PIK3C2G: variants seen among roughly 807,000 people sequenced by gnomAD.
PIK3C2G encodes the protein phosphatidylinositol-4-phosphate 3-kinase catalytic subunit type 2 gamma.
PIK3C2G carries 168 observed loss-of-function variants against 181.1 expected under a neutral mutation model. That is an observed-to-expected ratio of 0.93 (90% CI 0.82 to 1.05). PIK3C2G has a LOEUF of 1.05. Ranked by LOEUF, PIK3C2G falls within the 50% of genes least tolerant of loss-of-function variation. PIK3C2G has a pLI of 0.00. For synonymous variants in PIK3C2G, 573 were observed against 592.2 expected (o/e 0.97, Z 0.47); for missense variants, 1,869 against 1,732.8 (o/e 1.08, Z -1.40).
At chr12:18,421,251 G>T (rs897554074) in intron 17 of PIK3C2G, among the ~76,000 whole-genome samples, 21 of 151,738 alleles carry the variant, frequency 1.4e-4, no homozygotes, top group Non-Finnish European at 2.8e-4. Flanking sequence ...TTTTAAAAAT[G>T]ATTTCATTTA....
chr12:18,431,663 CAT>C (rs1382408039), intron 18 of PIK3C2G, among the ~76,000 whole-genome samples: 1 of 152,172 alleles, frequency 6.6e-6, no homozygotes, highest in African/African-American at 2.4e-5. Flanking sequence ...ATACAGCACA[CAT>C]GATACAGAAT....
At chr12:18,597,490 A>G (rs1302584358) in intron 30 of PIK3C2G, among the ~76,000 whole-genome samples, 2 of 152,144 alleles carry the variant, frequency 1.3e-5, no homozygotes, top group Middle Eastern at 3.2e-3. Flanking sequence ...TATATTAATA[A>G]GTATAAATGG....
the PIK3C2G span, among the ~76,000 whole-genome samples, chr12:18,661,269 G>A: frequency 2.0e-5 from 3 of 152,040 alleles, no homozygotes; most frequent in African/African-American, 7.2e-5. Context: ...CAAGTGTGAT[G>A]AGATACAAGA....
chr12:18,301,171 C>T (rs1950159445), intron 5 of PIK3C2G, among the ~76,000 whole-genome samples: 1 of 152,100 alleles, frequency 6.6e-6, no homozygotes, highest in African/African-American at 2.4e-5. Flanking sequence ...AGTTTGGCTA[C>T]AATGTGCAAT....
intron 22 of PIK3C2G, among the ~76,000 whole-genome samples, chr12:18,501,347 T>G (rs922828858): frequency 6.6e-6 from 1 of 152,012 alleles, no homozygotes; most frequent in African/African-American, 2.4e-5. Flanking sequence ...TGCTAAACAT[T>G]AATAAAACCA....
chr12:18,532,062 T>C (rs962644372), intron 24 of PIK3C2G, among the ~76,000 whole-genome samples: 1 of 152,302 alleles, frequency 6.6e-6, no homozygotes, highest in East Asian at 1.9e-4. Flanking sequence ...TTATTTTTTA[T>C]CTAGCCATTT....
At chr12:18,421,466 A>AT (rs1184355002) in intron 17 of PIK3C2G, among the ~76,000 whole-genome samples, 3 of 152,082 alleles carry the variant, frequency 2.0e-5, no homozygotes, top group Non-Finnish European at 4.4e-5. Context: ...TAATAGCCAA[A>AT]TTTTGCCACC....
intron 7 of PIK3C2G, among the ~76,000 whole-genome samples, chr12:18,322,060 A>G (rs1465170652): frequency 6.6e-6 from 1 of 152,196 alleles, no homozygotes; most frequent in Non-Finnish European, 1.5e-5. Flanking sequence ...ACAAACCTGC[A>G]CATCCTGCAC....
intron 29 of PIK3C2G, among the ~76,000 whole-genome samples, chr12:18,575,015 C>T (rs757664363): frequency 3.9e-5 from 6 of 152,146 alleles, no homozygotes; most frequent in African/African-American, 7.2e-5. Context: ...TGGCTTATTG[C>T]TGTGCCTCCT....
intron 18 of PIK3C2G, among the ~76,000 whole-genome samples, chr12:18,455,576 G>T (rs1423700140): frequency 6.6e-6 from 1 of 152,036 alleles, no homozygotes; most frequent in Non-Finnish European, 1.5e-5. Context: ...ATAAATGATA[G>T]GAATTTATTC....
intron 21 of PIK3C2G, among the ~76,000 whole-genome samples, chr12:18,496,451 G>A (rs1941020995): frequency 6.6e-6 from 1 of 152,124 alleles, no homozygotes; most frequent in South Asian, 2.1e-4. Flanking sequence ...TTGAATGTGA[G>A]GAAAGTTTTA....
chr12:18,586,338 A>C (rs1199942872), intron 29 of PIK3C2G, among the ~76,000 whole-genome samples: 1 of 151,964 alleles, frequency 6.6e-6, no homozygotes, highest in African/African-American at 2.4e-5. Context: ...TAGACTAACA[A>C]AGAAGAAAAG....
chr12:18,276,781 A>G (rs973786994), intron 1 of PIK3C2G, among the ~76,000 whole-genome samples: 1 of 152,196 alleles, frequency 6.6e-6, no homozygotes, highest in Admixed American at 6.5e-5. Context: ...AAAAACAGCT[A>G]CTGAATAAAC....
At chr12:18,598,017 G>T (rs1947474747) in intron 30 of PIK3C2G, among the ~76,000 whole-genome samples, 1 of 152,020 alleles carries the variant, frequency 6.6e-6, no homozygotes, top group Non-Finnish European at 1.5e-5. Flanking sequence ...ACAAATGGAA[G>T]AATATTCCAT....
At chr12:18,297,979 A>G (rs1950013415) in intron 5 of PIK3C2G, among the ~76,000 whole-genome samples, 1 of 152,010 alleles carries the variant, frequency 6.6e-6, no homozygotes, top group South Asian at 2.1e-4. Flanking sequence ...TAGTATTTCA[A>G]TAAACATGGA....
intron 31 of PIK3C2G, among the ~76,000 whole-genome samples, chr12:18,616,506 T>C (rs1479889453): frequency 6.6e-6 from 1 of 152,104 alleles, no homozygotes; most frequent in African/African-American, 2.4e-5. Context: ...TTAACATCCG[T>C]CTCACTTAAA....
chr12:18,699,764 A>G, the PIK3C2G span: 2 of 1,593,090 alleles, frequency 1.3e-6, no homozygotes, highest in Non-Finnish European at 1.7e-6. Context: ...TCATTTAAAC[A>G]TTTCATCTAT....
rs563671146 is a variant in PIK3C2G at position 18,289,520 on chromosome 12, A to G, written c.762-1335A>G. Among the ~76,000 whole-genome samples, 3 of 152,356 alleles carry G rather than the reference A, an allele frequency of 2.0e-5. No homozygotes were observed. In the South Asian group the frequency reaches 6.2e-4, roughly 32 times the overall value. On this transcript the variant is annotated intron_variant, in intron 3 of 32. Coordinates refer to ENST00000538779, the MANE Select transcript of PIK3C2G (RefSeq NM_001288772.2). The stretch of plus-strand genomic sequence containing the variant: ...GGACTCTAGACCTTTATGGTAGAGT[A>G]TAACAATGAAGAGTGGCCCATGTCC...
chr12:18,636,888 G>A (rs995312620), intron 31 of PIK3C2G, among the ~76,000 whole-genome samples: 13 of 152,094 alleles, frequency 8.5e-5, no homozygotes, highest in Admixed American at 3.3e-4. Context: ...CTTTTTCACC[G>A]TAATAGCCCT....
Sources: gnomAD v4.1 joint callset for allele counts (sites outside exome capture counted in the v4.1 genomes callset) on GRCh38, gnomAD v4.1.1 for gene constraint, MANE v1.5 for transcripts, NCBI Gene and HGNC (gene_info 2026-07-23, HGNC 2026-07-21) for gene names.